SEC14L1: variants seen among roughly 807,000 people sequenced by gnomAD.
The protein encoded by SEC14L1 is SEC14-like protein 1.
Under a neutral mutation model 85.3 loss-of-function variants are expected in SEC14L1, and 48 were observed. That is an observed-to-expected ratio of 0.56 (90% CI 0.45 to 0.72). The LOEUF (loss-of-function observed/expected upper bound fraction) is 0.72. SEC14L1 is among the 30% of genes least tolerant of loss of function. The probability of loss-of-function intolerance (pLI) is 0.00; values close to 1 mark genes in which losing one functional copy is unlikely to be tolerated. For missense variants in SEC14L1, 682 were observed against 921.4 expected (o/e 0.74, Z 3.36); for synonymous variants, 391 against 355.5 (o/e 1.10, Z -1.12).
At chr17:77,195,010 A>G (rs773081612) in intron 7 of SEC14L1, 99 bp downstream of exon 7, 17 of 819,182 alleles carry the variant, frequency 2.1e-5, no homozygotes, top group Admixed American at 5.1e-5. Flanking sequence ...TCCTTGGAAC[A>G]TTAGATAACT....
At chr17:77,178,745 A>G (rs1275505162) in intron 3 of SEC14L1, among the ~76,000 whole-genome samples, 1 of 152,210 alleles carries the variant, frequency 6.6e-6, no homozygotes, top group East Asian at 1.9e-4. Flanking sequence ...TGAGAGTCTG[A>G]TGCTGCCACT....
chr17:77,126,794 G>A (rs1010591218), intron 3 of SEC14L1, among the ~76,000 whole-genome samples: 3 of 152,268 alleles, frequency 2.0e-5, no homozygotes, highest in African/African-American at 4.8e-5. Flanking sequence ...TGCTTTGTGG[G>A]CAATGGTGAT....
chr17:77,194,867 T>C lies in SEC14L1; in HGVS notation c.665T>C (p.Leu222Pro), dbSNP rs1217215759. Residue 222 changes from leucine (L) to proline (P), a missense_variant, in exon 7 of 17, where the codon CTC (leucine) becomes CCC (proline). Transcript: ENST00000436233. ...AAGGAGGGGCTGAGTGGTGATGCCC[T>C]CAGCAGCCCCAGCGCACCTGAGCCC... ...ALKEGLSGDA[L>P]SSPSAPEPVV... The C allele has an allele frequency of 3.7e-6, 6 of 1,614,064 alleles. No individual in the cohort carries two copies. The highest frequency in any genetic ancestry group is 1.7e-5 in the Admixed American group (1 of 60,010).
rs547626562 is a variant in SEC14L1, at chr17:77,092,880, G to A, written c.-239-364G>A. Among the ~76,000 whole-genome samples, 24 of 151,628 alleles carry A rather than the reference G, an allele frequency of 1.6e-4. No individual in the cohort carries two copies. In the South Asian group the frequency reaches 4.2e-3, roughly 26 times the overall value. On this transcript the variant is annotated intron_variant, in intron 2 of 19. Transcript: ENST00000392476. ...GGAGAATTGCTTGAACCCGGGAGGC[G>A]GAGGTTGCGGTGAGCCGAGATCACG...
At chr17:77,131,196 G>T (rs990182919) in intron 3 of SEC14L1, among the ~76,000 whole-genome samples, 1 of 152,196 alleles carries the variant, frequency 6.6e-6, no homozygotes, top group African/African-American at 2.4e-5. Flanking sequence ...AACCGAATAG[G>T]CTGTGTTTCA....
Position 77,196,223 on chromosome 17 carries a change from T to A in SEC14L1, c.731T>A (p.Ile244Asn). The A allele has an allele frequency of 6.2e-7, 1 of 1,614,020 alleles. No individual in the cohort carries two copies. Among genetic ancestry groups the A allele is most frequent in the Non-Finnish European group, 8.5e-7 (1 of 1,179,888 alleles). The change falls in exon 8 of 17, where the codon ATC becomes AAC. Residue 244 changes from isoleucine (I) to asparagine (N), a missense_variant. Physicochemically the swap from Ile to Asn is moderately radical, Grantham distance 149. Coordinates refer to ENST00000436233, the MANE Select transcript of SEC14L1 (RefSeq NM_001143998.2). ...TPDDKLDADYIKRYLGDLTPL... is the reference protein window; with the variant it reads ...TPDDKLDADYNKRYLGDLTPL... ...CCAGACAAACTAGATGCCGACTACA[T>A]CAAGAGATACCTGGGCGATTTGACT...
chr17:77,187,308 G>A (rs548274247), intron 3 of SEC14L1, among the ~76,000 whole-genome samples: 1 of 152,168 alleles, frequency 6.6e-6, no homozygotes, highest in South Asian at 2.1e-4. Context: ...CCGACCACAG[G>A]GGCAGGCACT....
chr17:77,200,435 C>A, intron 8 of SEC14L1, 49 bp from the exon 9 acceptor site: 3 of 1,513,818 alleles, frequency 2.0e-6, no homozygotes, highest in South Asian at 2.4e-5. Context: ...TCCCAAAGTT[C>A]CCTTCACAAC....
chr17:77,193,050 T>A (rs1314692363), intron 5 of SEC14L1, among the ~76,000 whole-genome samples: 1 of 152,254 alleles, frequency 6.6e-6, no homozygotes, highest in African/African-American at 2.4e-5. Context: ...ACTGTGTTTC[T>A]GGCTGATTGT....
At chr17:77,126,270 T>C (rs774351626) in intron 3 of SEC14L1, among the ~76,000 whole-genome samples, 15 of 152,226 alleles carry the variant, frequency 9.9e-5, no homozygotes, top group Non-Finnish European at 1.6e-4. Flanking sequence ...GGTGTCCCCA[T>C]CTGCGAAATG....
intron 3 of SEC14L1, among the ~76,000 whole-genome samples, chr17:77,154,261 A>T (rs1015611450): frequency 9.9e-5 from 15 of 152,164 alleles, no homozygotes; most frequent in African/African-American, 3.6e-4. Flanking sequence ...ACTTGAGGCC[A>T]GTAGTTTGAG....
chr17:77,194,579 C>T, intron 6 of SEC14L1, 98 bp from the exon 7 acceptor site: 1 of 860,070 alleles, frequency 1.2e-6, no homozygotes, highest in Non-Finnish European at 1.8e-6. Flanking sequence ...GTGAGGCTCA[C>T]CATCTTCCGT....
intron 3 of SEC14L1, among the ~76,000 whole-genome samples, chr17:77,180,734 G>A (rs560795084): frequency 2.2e-4 from 34 of 152,224 alleles, no homozygotes; most frequent in Non-Finnish European, 4.7e-4. Context: ...TGGTTGCTCT[G>A]GGCTGTCAGT....
chr17:77,155,236 T>C (rs1191877748), intron 3 of SEC14L1, among the ~76,000 whole-genome samples: 1 of 152,112 alleles, frequency 6.6e-6, no homozygotes, highest in African/African-American at 2.4e-5. Flanking sequence ...CATTTCACTG[T>C]CCCAGGCAGA....
intron 3 of SEC14L1, among the ~76,000 whole-genome samples, chr17:77,154,020 C>T (rs1446858509): frequency 1.3e-5 from 2 of 152,166 alleles, no homozygotes; most frequent in African/African-American, 4.8e-5. Context: ...TTGTGTTCTG[C>T]ACCCACAGAT....
At chr17:77,137,849 A>G (rs1972841062), upstream of SEC14L1, among the ~76,000 whole-genome samples, 1 of 152,214 alleles carries the variant, frequency 6.6e-6, no homozygotes, top group Non-Finnish European at 1.5e-5. Flanking sequence ...TAACCACCCA[A>G]GGGGTTCACC....
intron 13 of SEC14L1, among the ~76,000 whole-genome samples, chr17:77,208,085 A>T (rs1373682988): frequency 1.3e-5 from 2 of 152,188 alleles, no homozygotes; most frequent in Non-Finnish European, 2.9e-5. Flanking sequence ...TGGAATGTGT[A>T]CCCACTGGGT....
chr17:77,209,893 A>T (rs1411951512), intron 14 of SEC14L1: 1 of 157,970 alleles, frequency 6.3e-6, no homozygotes, highest in East Asian at 1.8e-4. Context: ...CCCAGGCTGG[A>T]GTACACTGGC....
intron 3 of SEC14L1, among the ~76,000 whole-genome samples, chr17:77,145,828 G>T (rs78692613): frequency 0.051 from 7,739 of 152,216 alleles, 304 homozygotes; most frequent in Admixed American, 0.11. Context: ...ATTTTGCCCT[G>T]TGGGACTGTG....
Sources: gnomAD v4.1 joint callset for allele counts (sites outside exome capture counted in the v4.1 genomes callset) on GRCh38, gnomAD v4.1.1 for gene constraint, MANE v1.5 for transcripts, NCBI Gene and HGNC (gene_info 2026-07-23, HGNC 2026-07-21) for gene names.